The following SLC28A1 variants were observed in gnomAD, a reference collection of about 807,000 sequenced individuals.
The protein encoded by SLC28A1 is solute carrier family 28 member 1, also known as sodium/nucleoside cotransporter 1.
SLC28A1 carries 64 observed loss-of-function variants against 74.8 expected under a neutral mutation model. The observed-to-expected ratio is 0.86, with a 90% CI of 0.70 to 1.05. The LOEUF (loss-of-function observed/expected upper bound fraction) is 1.05, where lower values mean the gene tolerates loss of function less well. Ranked by LOEUF, SLC28A1 falls within the 50% of genes least tolerant of loss-of-function variation. The pLI, the probability that SLC28A1 is intolerant of heterozygous loss-of-function variation, is 0.00. For missense variants in SLC28A1, 828 were observed against 822.8 expected (o/e 1.01, Z -0.08); for synonymous variants, 359 against 335.0 (o/e 1.07, Z -0.78).
At chr15:84,922,680 C>T (rs1039602079) in intron 11 of SLC28A1, among the ~76,000 whole-genome samples, 3 of 152,256 alleles carry the variant, frequency 2.0e-5, no homozygotes, top group Non-Finnish European at 4.4e-5. Context: ...GTGCCCCTCA[C>T]CGTGGCTTCC....
intron 9 of SLC28A1, among the ~76,000 whole-genome samples, chr15:84,911,858 C>CA (rs57067372): frequency 0.1 from 11,712 of 114,384 alleles, 800 homozygotes; most frequent in East Asian, 0.38. Context: ...GACTCCATCT[C>CA]AAAAAAAAAA....
At chr15:84,888,128 C>T (rs1964820693) in intron 3 of SLC28A1, among the ~76,000 whole-genome samples, 1 of 152,130 alleles carries the variant, frequency 6.6e-6, no homozygotes, top group African/African-American at 2.4e-5. Context: ...GCAGGGCAGG[C>T]CCCAGTGAGG....
At chr15:84,910,224 T>C (rs575899570) in intron 9 of SLC28A1, among the ~76,000 whole-genome samples, 71 of 152,276 alleles carry the variant, frequency 4.7e-4, no homozygotes, top group Admixed American at 1.6e-3. Flanking sequence ...CAGTTCTGCA[T>C]AGGGAGAATA....
chr15:84,888,711 C>A, intron 3 of SLC28A1, 61 bp from the exon 4 acceptor site: 1 of 1,219,974 alleles, frequency 8.2e-7, no homozygotes, highest in Non-Finnish European at 1.2e-6. Flanking sequence ...CGACCCCCAG[C>A]TGTAAGTTCC....
chr15:84,945,563 C>T lies in SLC28A1; in HGVS notation c.*363C>T. The T allele has an allele frequency of 6.0e-6, 2 of 335,904 alleles. No individual in the cohort carries two copies. Among genetic ancestry groups the T allele is most frequent in the East Asian group, 7.6e-5 (1 of 13,216 alleles). The allele number at this position is 335,904 out of a possible 1,614,324, so 20.8% of individuals were successfully genotyped here. A position where few individuals can be genotyped will look rare whatever the true frequency, so the allele number is the denominator to read the frequency against. ...GCCCCTTCCCTTCTGTTGTGGGCTGCACACCAAAGCCTCCTCCCCTCCCCA... is the reference window on the plus strand; with the variant it reads ...GCCCCTTCCCTTCTGTTGTGGGCTGTACACCAAAGCCTCCTCCCCTCCCCA... On this transcript the variant is annotated 3_prime_UTR_variant, in exon 19 of 19. Transcript: ENST00000394573.
chr15:84,924,224 C>A, intron 12 of SLC28A1, 114 bp downstream of exon 12: 3 of 1,293,186 alleles, frequency 2.3e-6, no homozygotes, highest in Non-Finnish European at 3.3e-6. Flanking sequence ...CTTGGGCCTG[C>A]TGTGCTGGCA....
Position 84,945,768 on chromosome 15 carries a change from G to A in SLC28A1, c.*568G>A. ...TGATGGACTAGGTTTGGAACCACTG[G>A]GTTAAATAAACTTAGAGAGGGCTGT... On this transcript the variant is annotated 3_prime_UTR_variant, in exon 19 of 19. Transcript: ENST00000394573. 1 of 154,952 alleles carries A rather than the reference G, an allele frequency of 6.5e-6. No homozygotes were observed. The highest frequency in any genetic ancestry group is 1.4e-5 in the Non-Finnish European group (1 of 70,268). The allele number at this position is 154,952 out of a possible 1,614,324, so 9.6% of individuals were successfully genotyped here.
chr15:84,952,949 C>G, the SLC28A1 span, among the ~76,000 whole-genome samples: 1 of 152,140 alleles, frequency 6.6e-6, no homozygotes. Flanking sequence ...TTGCTTTTAT[C>G]CCTTGAAACT....
At chr15:84,891,618 A>G (rs1331831013) in intron 5 of SLC28A1, among the ~76,000 whole-genome samples, 1 of 152,196 alleles carries the variant, frequency 6.6e-6, no homozygotes, top group Non-Finnish European at 1.5e-5. Flanking sequence ...AAGGAGGGAA[A>G]GATCAGCAGC....
At chr15:84,953,749 A>T in the SLC28A1 span, among the ~76,000 whole-genome samples, 1 of 152,222 alleles carries the variant, frequency 6.6e-6, no homozygotes, top group African/African-American at 2.4e-5. Flanking sequence ...GTAGAAAAAT[A>T]TAATAGTGAA....
At chr15:84,965,104 G>A in the SLC28A1 span, among the ~76,000 whole-genome samples, 6 of 152,172 alleles carry the variant, frequency 3.9e-5, no homozygotes, top group Non-Finnish European at 7.3e-5. Flanking sequence ...GGGACCTGGT[G>A]GAAGGTAATT....
At chr15:84,894,547 G>A (rs1379646704) in intron 5 of SLC28A1, among the ~76,000 whole-genome samples, 6 of 152,176 alleles carry the variant, frequency 3.9e-5, no homozygotes, top group African/African-American at 1.4e-4. Context: ...GAGCACACAT[G>A]TGTAAACTCC....
chr15:84,935,048 G>A lies in SLC28A1; in HGVS notation c.1237G>A (p.Ala413Thr), dbSNP rs1322468234. The change falls in exon 14 of 19, where the codon GCA (alanine) becomes ACA (threonine). Residue 413 changes from alanine (A) to threonine (T), a missense_variant. Ala to Thr is a moderately conservative substitution (Grantham distance 58, BLOSUM62 0). This residue lies in a region of SLC28A1 where 767 missense variants were observed against 753.5 expected (regional missense o/e 1.02). Coordinates refer to ENST00000394573, the MANE Select transcript of SLC28A1 (RefSeq NM_004213.5). ...TYGDAQNLIE[A>T]ASTGAAISVK... ...CAGAGATGCTCAGAACCTCATAGAA[G>A]CAGCCAGCACTGGGGCCGCCATCTC... The A allele has an allele frequency of 2.5e-6, 4 of 1,614,094 alleles. No homozygotes were observed. Among genetic ancestry groups the A allele is most frequent in the Non-Finnish European group, 2.5e-6 (3 of 1,179,960 alleles).
In SLC28A1 at chr15:84,889,582, A is replaced by T. The variant is rs968651974; in HGVS notation, c.185+722A>T. Among the ~76,000 whole-genome samples, 6 of 151,846 alleles carry T rather than the reference A, an allele frequency of 4.0e-5. No homozygotes were observed. The South Asian group carries it at 8.4e-4, about 21-fold the overall frequency. On this transcript the variant is annotated intron_variant, in intron 4 of 18. Coordinates refer to ENST00000394573, the MANE Select transcript of SLC28A1 (RefSeq NM_004213.5). ...TGGGCGTCTACTCAATGTGTGTCCC[A>T]TGGGCAGGTGGATGAACGACAGGGG...
rs17215934 is a variant in SLC28A1 at position 84,905,624 on chromosome 15, C to A, written c.689C>A (p.Ala230Glu). 1 of 1,613,760 alleles carries A rather than the reference C, an allele frequency of 6.2e-7. No individual in the cohort carries two copies. The highest frequency in any genetic ancestry group is 8.5e-7 in the Non-Finnish European group (1 of 1,179,696). ...LVIRTEPGFI[A>E]FEWLGEQIRI... Reference sequence around the variant, plus strand: ...ATCAGAACAGAACCAGGATTCATTGCGTTCGAGTGGCTGGGCGAGCAGATC... The same window carrying A: ...ATCAGAACAGAACCAGGATTCATTGAGTTCGAGTGGCTGGGCGAGCAGATC... Residue 230 changes from alanine to glutamate, a missense_variant, in exon 8 of 19, where the codon GCG becomes GAG. By Grantham distance (107) the Ala-to-Glu change is moderately radical. Transcript: ENST00000394573.
At chr15:84,914,530 C>T (rs1397710521) in intron 9 of SLC28A1, among the ~76,000 whole-genome samples, 1 of 152,144 alleles carries the variant, frequency 6.6e-6, no homozygotes, top group Non-Finnish European at 1.5e-5. Context: ...AGGTGTGTGA[C>T]CTCGGGTGGG....
At chr15:84,909,545 G>C (rs1354160900) in intron 9 of SLC28A1, among the ~76,000 whole-genome samples, 2 of 152,224 alleles carry the variant, frequency 1.3e-5, no homozygotes, top group African/African-American at 4.8e-5. Flanking sequence ...CTGCTTCACT[G>C]TTCTGGGTGG....
rs149501308 is a variant in SLC28A1 at position 84,937,795 on chromosome 15, G to C, written c.1581+2277G>C. 1.1e-3 allele frequency among the ~76,000 whole-genome samples: 175 copies of C among 152,262 alleles called. 2 individuals are homozygous for C. The highest frequency in any genetic ancestry group is 0.01 in the Middle Eastern group (3 of 294). On this transcript the variant is annotated intron_variant, in intron 15 of 18. Coordinates refer to ENST00000394573, the MANE Select transcript of SLC28A1 (RefSeq NM_004213.5). Reference sequence around the variant, plus strand: ...ATGTGTCTGTAGTCCCAGTCCTTGTGCTGAGGCACGAGAATTTCTTGAACC... The same window carrying C: ...ATGTGTCTGTAGTCCCAGTCCTTGTCCTGAGGCACGAGAATTTCTTGAACC...
chr15:84,906,262 C>T (rs767665562), intron 8 of SLC28A1, among the ~76,000 whole-genome samples: 79 of 151,714 alleles, frequency 5.2e-4, no homozygotes, highest in Admixed American at 1.1e-3. Context: ...TCAGACGATT[C>T]GCTTGCCTCG....
Sources: gnomAD v4.1 joint callset for allele counts (sites outside exome capture counted in the v4.1 genomes callset) on GRCh38, gnomAD v4.1.1 for gene constraint, gnomAD v4.1.1 regional missense constraint, MANE v1.5 for transcripts, NCBI Gene and HGNC (gene_info 2026-07-23, HGNC 2026-07-21) for gene names.